The following USP54 variants were observed in gnomAD, a reference collection of about 807,000 sequenced individuals.
USP54 encodes the protein ubiquitin carboxyl-terminal hydrolase 54.
Under a neutral mutation model 170.5 loss-of-function variants are expected in USP54, and 87 were observed. The observed-to-expected ratio is 0.51, with a 90% CI of 0.43 to 0.61. USP54 has a LOEUF of 0.61. Among genes scored for constraint, USP54 ranks in the 20% least tolerant of loss-of-function variants. The probability of loss-of-function intolerance (pLI) is 0.00; values close to 1 mark genes in which losing one functional copy is unlikely to be tolerated. For missense variants in USP54, 1,786 were observed against 2,047.8 expected (o/e 0.87, Z 2.47); for synonymous variants, 655 against 742.8 (o/e 0.88, Z 1.92).
At chr10:73,508,670 G>A (rs1013028609) in intron 20 of USP54, among the ~76,000 whole-genome samples, 1 of 141,342 alleles carries the variant, frequency 7.1e-6, no homozygotes, top group Non-Finnish European at 1.6e-5. Flanking sequence ...AGAAGAACAT[G>A]TTTTTTTTTT....
intron 20 of USP54, chr10:73,506,850 A>C (rs1323699627): frequency 6.6e-6 from 1 of 152,182 alleles, no homozygotes; most frequent in Non-Finnish European, 1.5e-5. Flanking sequence ...AAAATAAAAA[A>C]TATATTTATC....
intron 16 of USP54, among the ~76,000 whole-genome samples, chr10:73,525,964 A>G (rs1314666671): frequency 6.6e-6 from 1 of 152,176 alleles, no homozygotes; most frequent in Non-Finnish European, 1.5e-5. Context: ...AGCCACATGT[A>G]CCCCTTTGGT....
intron 20 of USP54, 84 bp downstream of exon 20, chr10:73,516,291 T>C (rs1385451707): frequency 3.5e-6 from 5 of 1,429,264 alleles, no homozygotes; most frequent in African/African-American, 2.8e-5. Context: ...AGTATCTGTA[T>C]AGAACACTCC....
intron 4 of USP54, among the ~76,000 whole-genome samples, chr10:73,569,936 A>AAAAAAAAAAAAAAAAAAAAAAC (rs58317918): frequency 7.4e-6 from 1 of 135,670 alleles, no homozygotes; most frequent in Non-Finnish European, 1.5e-5. Flanking sequence ...AAAAAAAAAA[A>AAAAAAAAAAAAAAAAAAAAAAC]AAAACACCCT....
At chr10:73,612,767 G>A (rs114135869) in intron 1 of USP54, among the ~76,000 whole-genome samples, 2,200 of 149,110 alleles carry the variant, frequency 0.015, 61 homozygotes, top group African/African-American at 0.052. Flanking sequence ...TTGAACCCAC[G>A]AGGTGGAGGT....
chr10:73,514,207 C>G (rs1564643452), intron 20 of USP54, among the ~76,000 whole-genome samples: 1 of 152,128 alleles, frequency 6.6e-6, no homozygotes, highest in Non-Finnish European at 1.5e-5. Flanking sequence ...CCGCCCACCT[C>G]CGCCTCCCAA....
intron 1 of USP54, among the ~76,000 whole-genome samples, chr10:73,580,318 CAAAAAAA>C (rs550717480): frequency 1.3e-3 from 84 of 64,402 alleles, no homozygotes; most frequent in Middle Eastern, 0.021. Flanking sequence ...GACCCCATTT[CAAAAAAA>C]AAAAAAAAAA....
At chr10:73,585,553 G>A (rs2077383214) in intron 1 of USP54, among the ~76,000 whole-genome samples, 1 of 152,148 alleles carries the variant, frequency 6.6e-6, no homozygotes. Context: ...TCATCACTGA[G>A]CTATTCATGA....
At chr10:73,580,483 C>T (rs766012260) in intron 1 of USP54, among the ~76,000 whole-genome samples, 8 of 151,862 alleles carry the variant, frequency 5.3e-5, no homozygotes, top group Non-Finnish European at 8.8e-5. Flanking sequence ...GATTATGGGA[C>T]TTACCTTATT....
intron 1 of USP54, among the ~76,000 whole-genome samples, chr10:73,607,830 CAAAAAAA>C (rs770614076): frequency 1.7e-5 from 1 of 59,512 alleles, no homozygotes; most frequent in South Asian, 4.7e-4. Context: ...GACTCCGTCT[CAAAAAAA>C]AAAAAAAAAA....
Position 73,541,511 on chromosome 10 carries a change from C to G in USP54, c.689G>C (p.Gly230Ala), listed in dbSNP as rs1334528500. ...GDLRNCPSNCGERIRIRRVLM... is the reference protein window; with the variant it reads ...GDLRNCPSNCAERIRIRRVLM... ...CACACGGCGAATCCTGATCCTCTCTCCACAGTTGCTCTGAAATACATATAT... is the reference window on the plus strand; with the variant it reads ...CACACGGCGAATCCTGATCCTCTCTGCACAGTTGCTCTGAAATACATATAT... Residue 230 changes from glycine (G) to alanine (A), a missense_variant, in exon 9 of 24, where the codon GGA (glycine) becomes GCA (alanine). Physicochemically the swap from Gly to Ala is moderately conservative, Grantham distance 60 (BLOSUM62 0). Around this residue, in one of 3 missense-constraint regions of USP54, gnomAD observed 361 missense variants for 455.0 expected, o/e 0.79. Transcript: ENST00000687698. 2 of 1,614,102 alleles carry G rather than the reference C, an allele frequency of 1.2e-6. No homozygotes were observed. Among genetic ancestry groups the G allele is most frequent in the African/African-American group, 2.7e-5 (2 of 74,926 alleles).
chr10:73,530,676 G>A (rs2133400134), intron 13 of USP54, 28 bp downstream of exon 13: 1 of 1,611,990 alleles, frequency 6.2e-7, no homozygotes, highest in African/African-American at 1.3e-5. Flanking sequence ...GAATGAAGGA[G>A]AAAGAGAAGC....
intron 4 of USP54, among the ~76,000 whole-genome samples, chr10:73,564,098 C>T (rs2073757858): frequency 6.6e-6 from 1 of 151,648 alleles, no homozygotes; most frequent in African/African-American, 2.4e-5. Flanking sequence ...ACCTCCTGGG[C>T]TCAAGTGAAC....
intron 1 of USP54, among the ~76,000 whole-genome samples, chr10:73,599,267 G>A (rs576431999): frequency 2.0e-5 from 3 of 152,214 alleles, no homozygotes; most frequent in South Asian, 4.1e-4. Context: ...TGAAACTGAC[G>A]GGATTTTGAC....
chr10:73,621,142 C>A (rs1384344313), intron 1 of USP54, among the ~76,000 whole-genome samples: 1 of 148,108 alleles, frequency 6.8e-6, no homozygotes, highest in African/African-American at 2.6e-5. Flanking sequence ...GGTGACAGAG[C>A]AAGACTCTGT....
In USP54 at chr10:73,500,655, C is replaced by T; in HGVS notation, c.4495G>A (p.Gly1499Arg). Residue 1499 changes from glycine to arginine, a missense_variant and splice_region_variant, in exon 23 of 24, where the codon GGA becomes AGA. This residue lies in a region of USP54 where 1,418 missense variants were observed against 1,569.0 expected (regional missense o/e 0.90). Coordinates refer to ENST00000687698, the MANE Select transcript of USP54 (RefSeq NM_001391956.1). ...ATAATATTAGATTTGGGGGAGTTAC[C>T]TGGGAGTCTATTGGGCTCCCCTGCC... ...TMAGEPNRLPGTSRSVQQFLA... is the reference protein window; with the variant it reads ...TMAGEPNRLPRTSRSVQQFLA... 2 of 1,590,448 alleles carry T rather than the reference C, an allele frequency of 1.3e-6. No individual in the cohort carries two copies. Among genetic ancestry groups the T allele is most frequent in the Non-Finnish European group, 1.7e-6 (2 of 1,170,800 alleles).
chr10:73,517,323 G>A lies in USP54; in HGVS notation c.3103C>T (p.Pro1035Ser), dbSNP rs2061224655. The change falls in exon 20 of 24, where the codon CCC (proline) becomes TCC (serine). Residue 1035 changes from proline (P) to serine (S), a missense_variant. Coordinates refer to ENST00000687698, the MANE Select transcript of USP54 (RefSeq NM_001391956.1). ...LFQEKKDPAN[P>S]SPVMPGIATS... ...GCTATTCCAGGCATCACCGGGGAGG[G>A]GTTAGCAGGATCCTTCTTTTCTTGG... 1 of 1,612,392 alleles carries A rather than the reference G, an allele frequency of 6.2e-7. No homozygotes were observed. Among genetic ancestry groups the A allele is most frequent in the African/African-American group, 1.3e-5 (1 of 74,806 alleles).
rs2058984564 is a variant in USP54, at chr10:73,505,652, C to T, written c.4052-226G>A. The T allele has an allele frequency of 8.5e-6, 3 of 352,298 alleles. No individual in the cohort carries two copies. In the South Asian group the frequency reaches 1.1e-4, roughly 13 times the overall value. The allele number at this position is 352,298 out of a possible 1,614,324, so 21.8% of individuals were successfully genotyped here. ...TTGGGAGGCCAACACGGGCAGATCA[C>T]GAGGTCAGGAGATCGAGACCACCCT... On this transcript the variant is annotated intron_variant, in intron 20 of 23. Coordinates refer to ENST00000687698, the MANE Select transcript of USP54 (RefSeq NM_001391956.1).
chr10:73,594,102 GCT>G (rs2078520839), upstream of USP54, among the ~76,000 whole-genome samples: 1 of 151,454 alleles, frequency 6.6e-6, no homozygotes, highest in African/African-American at 2.4e-5. Context: ...TCCAAGTCTT[GCT>G]CTGTCACCCA....
Sources: allele counts gnomAD v4.1 joint callset (sites outside exome capture counted in the v4.1 genomes callset), GRCh38; gene constraint gnomAD v4.1.1; regional missense constraint gnomAD v4.1.1; transcripts MANE v1.5; gene names NCBI Gene and HGNC (gene_info 2026-07-23, HGNC 2026-07-21).